Variants in ZNF658 observed in about 807,000 individuals in gnomAD.
ZNF658 encodes the protein zinc finger protein 658.
Under a neutral mutation model 78.0 loss-of-function variants are expected in ZNF658, and 46 were observed. The ratio of observed to expected loss-of-function variants is 0.59; its 90% CI spans 0.47 to 0.75. The LOEUF (loss-of-function observed/expected upper bound fraction) is 0.75, where lower values mean the gene tolerates loss of function less well. ZNF658 is among the 30% of genes least tolerant of loss of function. The pLI is 0.00. For synonymous variants in ZNF658, 279 were observed against 408.4 expected, an observed-to-expected ratio of 0.68 and a Z score of 3.82; for missense variants, 785 against 1,189.3, an observed-to-expected ratio of 0.66 and a Z score of 5.00.
chr9:66,929,314 TA>T (rs1269337692), intron 6 of ZNF658, among the ~76,000 whole-genome samples: 1 of 139,354 alleles, frequency 7.2e-6, no homozygotes, highest in South Asian at 2.7e-4. Flanking sequence ...ATGAAGCTTA[TA>T]ACCCCCAGGT....
At chr9:66,914,709 A>G (rs1177875251) in intron 4 of ZNF658, among the ~76,000 whole-genome samples, 1 of 152,144 alleles carries the variant, frequency 6.6e-6, no homozygotes, top group South Asian at 2.1e-4. Context: ...CCTGAAATGC[A>G]GCATAAAAAC....
chr9:66,915,646 C>G (rs1486862636), intron 4 of ZNF658, among the ~76,000 whole-genome samples: 1 of 152,066 alleles, frequency 6.6e-6, no homozygotes, highest in African/African-American at 2.4e-5. Context: ...CGAACTAAGA[C>G]AGAGTTATTG....
In ZNF658 at chr9:66,909,258, C is replaced by A. The variant is rs1441959945; in HGVS notation, c.238+524C>A. On this transcript the variant is annotated intron_variant, in intron 4 of 4. Transcript: ENST00000621410. The stretch of plus-strand genomic sequence containing the variant: ...CTTTAGTTATCACTGTCCCATCCCC[C>A]CTGCCCTCTGCAGCCCTAGGTAACC... Among the ~76,000 whole-genome samples, 14 of 152,094 alleles carry A rather than the reference C, an allele frequency of 9.2e-5. No homozygotes were observed. In the East Asian group the frequency reaches 2.5e-3, roughly 27 times the overall value.
At chr9:66,909,840 A>G (rs1822171707) in intron 4 of ZNF658, among the ~76,000 whole-genome samples, 1 of 152,314 alleles carries the variant, frequency 6.6e-6, no homozygotes, top group East Asian at 1.9e-4. Context: ...ATAAAATACC[A>G]TAGGCTGGGT....
At chr9:66,904,606 T>G (rs1189047519) in intron 2 of ZNF658, among the ~76,000 whole-genome samples, 1 of 151,810 alleles carries the variant, frequency 6.6e-6, no homozygotes, top group East Asian at 1.9e-4. Context: ...TTTAGTACAT[T>G]CTCAGATAAT....
intron 2 of ZNF658, among the ~76,000 whole-genome samples, chr9:66,904,728 A>T (rs935726458): frequency 4.6e-5 from 7 of 150,952 alleles, no homozygotes; most frequent in Admixed American, 6.6e-5. Context: ...CCACTAACCT[A>T]CTCCTCTATC....
chr9:66,923,299 T>G (rs756259227), downstream of ZNF658, among the ~76,000 whole-genome samples: 29 of 151,156 alleles, frequency 1.9e-4, no homozygotes, highest in South Asian at 6.4e-4. Context: ...TCCTTCCACA[T>G]TCTCCTGCCT....
intron 6 of ZNF658, chr9:66,931,877 A>G (rs1822648705): frequency 6.6e-6 from 1 of 151,034 alleles, no homozygotes; most frequent in Non-Finnish European, 1.5e-5. Context: ...ATACACAAAC[A>G]AAGTGAACCA....
At chr9:66,913,379 T>C (rs1822259195) in intron 4 of ZNF658, among the ~76,000 whole-genome samples, 1 of 151,182 alleles carries the variant, frequency 6.6e-6, no homozygotes, top group African/African-American at 2.4e-5. Flanking sequence ...GAGCCAAGAT[T>C]GCGCCACTCC....
At chr9:66,907,831 G>A (rs1007504410) in intron 2 of ZNF658, among the ~76,000 whole-genome samples, 6 of 151,882 alleles carry the variant, frequency 4.0e-5, no homozygotes, top group African/African-American at 1.5e-4. Flanking sequence ...CTCTTCACCT[G>A]CTCTACCCTA....
intron 3 of ZNF658, 116 bp downstream of exon 3, chr9:66,908,480 A>G (rs1189532359): frequency 2.0e-6 from 3 of 1,523,998 alleles, no homozygotes; most frequent in African/African-American, 2.8e-5. Context: ...GGTTTGAAGT[A>G]GTTGAAACCT....
intron 2 of ZNF658, among the ~76,000 whole-genome samples, chr9:66,907,822 T>C (rs1437967087): frequency 6.6e-6 from 1 of 152,104 alleles, no homozygotes; most frequent in East Asian, 1.9e-4. Flanking sequence ...TGTTCTCTGC[T>C]CTTCACCTGC....
downstream of ZNF658, among the ~76,000 whole-genome samples, chr9:66,922,428 T>G (rs1000217611): frequency 2.0e-5 from 3 of 146,496 alleles, no homozygotes; most frequent in Admixed American, 2.1e-4. Context: ...TCTGCGTCAC[T>G]CACGCTGGGA....
At chr9:66,924,409 GA>G (rs2118127763), downstream of ZNF658, 1 of 161,254 alleles carries the variant, frequency 6.2e-6, no homozygotes, top group East Asian at 1.4e-4. Flanking sequence ...GTTAACTTAG[GA>G]ATGCCCTTGT....
intron 1 of ZNF658, chr9:66,902,921 T>G (rs939021766): frequency 6.6e-6 from 1 of 152,072 alleles, no homozygotes; most frequent in Non-Finnish European, 1.5e-5. Context: ...GAGACAGGAT[T>G]TCGCCATGTT....
chr9:66,903,970 T>C (rs533314139), intron 2 of ZNF658, among the ~76,000 whole-genome samples: 1 of 152,308 alleles, frequency 6.6e-6, no homozygotes, highest in Non-Finnish European at 1.5e-5. Flanking sequence ...AGAATATTAC[T>C]TCCTCAATAG....
chr9:66,912,125 C>A, intron 4 of ZNF658, among the ~76,000 whole-genome samples: 1 of 48,312 alleles, frequency 2.1e-5, no homozygotes, highest in Non-Finnish European at 4.0e-5. Flanking sequence ...AGAGCAAGAC[C>A]CCATCTCAAA....
At position 66,918,071 on chromosome 9, in the gene ZNF658, G is replaced by A. The variant is rs1359038624; in HGVS notation, c.505G>A (p.Val169Met). 7.5e-6 allele frequency: 12 copies of A among 1,597,132 alleles called. No homozygotes were observed. Among genetic ancestry groups the A allele is most frequent in the Non-Finnish European group, 1.0e-5 (12 of 1,174,230 alleles). ...YSRKKTEYMN[V>M]CEKLQLDIKH... is the part of the protein sequence containing the mutation. ...AAGAAAGAAGACTGAATACATGAAT[G>A]TGTGTGAGAAACTGCAGCTTGATAT... The change falls in exon 5 of 5, where the codon GTG (valine) becomes ATG (methionine). Residue 169 changes from valine (V) to methionine (M), a missense_variant. Transcript: ENST00000621410.
rs148576704 is a variant in ZNF658 at position 66,920,381 on chromosome 9, G to A, written c.2815G>A (p.Glu939Lys). 2.5e-5 allele frequency: 41 copies of A among 1,612,764 alleles called. No individual in the cohort carries two copies. In the East Asian group the frequency reaches 3.8e-4, roughly 15 times the overall value. Residue 939 changes from glutamate (E) to lysine (K), a missense_variant, in exon 5 of 5, where the codon GAA (glutamate) becomes AAA (lysine). Coordinates refer to ENST00000621410, the MANE Select transcript of ZNF658 (RefSeq NM_033160.7). ...AGTTCATACGGGGGAGAAACCCTACGAATGTAATGTATGTGGGAAGCCATT... is the reference window on the plus strand; with the variant it reads ...AGTTCATACGGGGGAGAAACCCTACAAATGTAATGTATGTGGGAAGCCATT... ...QRVHTGEKPY[E>K]CNVCGKPFAH...
Sources: gnomAD v4.1 joint callset for allele counts (sites outside exome capture counted in the v4.1 genomes callset) on GRCh38, gnomAD v4.1.1 for gene constraint, MANE v1.5 for transcripts, NCBI Gene and HGNC (gene_info 2026-07-23, HGNC 2026-07-21) for gene names.